Variants in CTNND2 observed in about 807,000 individuals in gnomAD.
The protein encoded by CTNND2 is catenin delta 2, also known as catenin delta-2.
Under a neutral mutation model 144.4 loss-of-function variants are expected in CTNND2, and 22 were observed. The ratio of observed to expected loss-of-function variants is 0.15; its 90% confidence interval spans 0.11 to 0.22. The LOEUF is 0.22. CTNND2 is among the 10% of genes least tolerant of loss of function. The probability of loss-of-function intolerance (pLI) is 1.00; values close to 1 mark genes in which losing one functional copy is unlikely to be tolerated. For missense variants in CTNND2, 1,353 were observed against 1,618.8 expected (o/e 0.84, Z 2.82); for synonymous variants, 751 against 695.6 (o/e 1.08, Z -1.25).
intron 3 of CTNND2, among the ~76,000 whole-genome samples, chr5:11,561,529 AT>A (rs929973043): frequency 4.3e-4 from 65 of 152,344 alleles, no homozygotes; most frequent in African/African-American, 1.6e-3. Context: ...CTGTGAAGAG[AT>A]TAAGAGAACA....
chr5:11,732,646 T>C (rs986113433), intron 1 of CTNND2, among the ~76,000 whole-genome samples: 2 of 152,154 alleles, frequency 1.3e-5, no homozygotes, highest in African/African-American at 4.8e-5. Context: ...TTTAGGTAAA[T>C]TTATTACCTG....
At chr5:11,480,663 T>C (rs1462372980) in intron 3 of CTNND2, among the ~76,000 whole-genome samples, 1 of 151,934 alleles carries the variant, frequency 6.6e-6, no homozygotes, top group Non-Finnish European at 1.5e-5. Flanking sequence ...TGTGTGTGTG[T>C]GTGTGTGTGT....
At chr5:11,722,863 T>C (rs914612146) in intron 2 of CTNND2, among the ~76,000 whole-genome samples, 1 of 152,110 alleles carries the variant, frequency 6.6e-6, no homozygotes, top group Non-Finnish European at 1.5e-5. Flanking sequence ...ATCAAACACA[T>C]ATGACATGCC....
chr5:11,386,091 T>A (rs1025072494), intron 6 of CTNND2: 1 of 152,040 alleles, frequency 6.6e-6, no homozygotes, highest in Non-Finnish European at 1.5e-5. Flanking sequence ...GGAGAGACAG[T>A]TGGAGGGGAA....
chr5:11,345,566 G>C (rs32124), intron 9 of CTNND2, among the ~76,000 whole-genome samples: 84,861 of 151,854 alleles, frequency 0.56, 23,901 homozygotes, highest in Admixed American at 0.64. Flanking sequence ...TTAAGTACAA[G>C]ACCAGAGTCA....
At chr5:11,376,699 TTTC>T (rs2149788703) in intron 7 of CTNND2, among the ~76,000 whole-genome samples, 1 of 152,224 alleles carries the variant, frequency 6.6e-6, no homozygotes, top group South Asian at 2.1e-4. Flanking sequence ...AGTCTAGAAG[TTTC>T]TTCAAGAGAA....
At chr5:11,287,787 C>T (rs1747900522) in intron 9 of CTNND2, among the ~76,000 whole-genome samples, 2 of 152,148 alleles carry the variant, frequency 1.3e-5, no homozygotes, top group African/African-American at 2.4e-5. Flanking sequence ...CCTTTTCTAG[C>T]ATAAGAAGAT....
chr5:11,220,491 C>A (rs1739677167), intron 10 of CTNND2, among the ~76,000 whole-genome samples: 2 of 152,170 alleles, frequency 1.3e-5, no homozygotes, highest in Non-Finnish European at 2.9e-5. Flanking sequence ...GCCCTCCTAA[C>A]AATGGCACTG....
At chr5:11,737,033 TA>T (rs1393167273) in intron 1 of CTNND2, among the ~76,000 whole-genome samples, 2 of 152,182 alleles carry the variant, frequency 1.3e-5, no homozygotes, top group Admixed American at 1.3e-4. Context: ...ACCTGTCTTT[TA>T]TATGTGATTT....
intron 15 of CTNND2, among the ~76,000 whole-genome samples, chr5:11,092,986 G>A (rs1245312443): frequency 6.6e-6 from 1 of 152,134 alleles, no homozygotes; most frequent in South Asian, 2.1e-4. Flanking sequence ...CAGTTCTCTT[G>A]CATTTTTTAT....
At chr5:11,218,989 G>C (rs545231434) in intron 10 of CTNND2, among the ~76,000 whole-genome samples, 1 of 152,280 alleles carries the variant, frequency 6.6e-6, no homozygotes, top group Non-Finnish European at 1.5e-5. Flanking sequence ...GGTGTGGCTG[G>C]ATATGAGATG....
chr5:11,873,204 A>C (rs1171397841), intron 1 of CTNND2, among the ~76,000 whole-genome samples: 1 of 152,134 alleles, frequency 6.6e-6, no homozygotes, highest in African/African-American at 2.4e-5. Context: ...ATATAGTAAC[A>C]AAAAAAGCAA....
At chr5:11,496,893 G>C (rs1770004836) in intron 3 of CTNND2, among the ~76,000 whole-genome samples, 1 of 150,846 alleles carries the variant, frequency 6.6e-6, no homozygotes, top group Admixed American at 6.6e-5. Flanking sequence ...GAGTGGGACT[G>C]GGCCCCACAC....
chr5:10,979,416 T>C (rs1002625429), intron 21 of CTNND2, among the ~76,000 whole-genome samples: 1 of 152,180 alleles, frequency 6.6e-6, no homozygotes, highest in Non-Finnish European at 1.5e-5. Flanking sequence ...GCTGATTAGA[T>C]GTTAGCAACA....
chr5:11,366,586 A>C (rs1010845077), intron 7 of CTNND2, among the ~76,000 whole-genome samples: 7 of 152,286 alleles, frequency 4.6e-5, no homozygotes, highest in African/African-American at 1.7e-4. Flanking sequence ...ATTTTCCAGG[A>C]ATATATTTAA....
At chr5:11,456,545 T>C (rs1765753765) in intron 3 of CTNND2, among the ~76,000 whole-genome samples, 1 of 152,156 alleles carries the variant, frequency 6.6e-6, no homozygotes, top group Non-Finnish European at 1.5e-5. Flanking sequence ...CATCTATATT[T>C]CAACCCCAAT....
rs1756589180 is a variant in CTNND2 at position 11,362,725 on chromosome 5, T to C, written c.1372+1971A>G. ...AGCCCCCAGCAAATGGGTTTCACCT[T>C]TGAAGCAGTTAGAAGGTTACTATTG... On this transcript the variant is annotated intron_variant, in intron 8 of 21. Coordinates refer to ENST00000304623, the MANE Select transcript of CTNND2 (RefSeq NM_001332.4). 2.5e-5 allele frequency among the ~76,000 whole-genome samples: 3 copies of C among 119,228 alleles called. 1 individual carries two copies. Among genetic ancestry groups the C allele is most frequent in the South Asian group, 5.5e-4 (2 of 3,640 alleles). 78.2% of individuals were successfully genotyped at this position (119,228 alleles called of 152,430 possible).
In CTNND2 at chr5:11,013,099, G is replaced by A. The variant is rs561791765; in HGVS notation, c.3084+4875C>T. Among the ~76,000 whole-genome samples, 8 of 152,192 alleles carry A rather than the reference G, an allele frequency of 5.3e-5. No homozygotes were observed. The South Asian group carries it at 1.0e-3, about 20-fold the overall frequency. On this transcript the variant is annotated intron_variant, in intron 18 of 21. Transcript: ENST00000304623. Reference sequence around the variant, plus strand: ...TAAGCAGGTCATAAAACCCTCATTCGAGAGGTGCCTCCTTATACTGGAGCA... The same window carrying A: ...TAAGCAGGTCATAAAACCCTCATTCAAGAGGTGCCTCCTTATACTGGAGCA...
chr5:11,622,262 CCTAAG>C (rs1780886023), intron 2 of CTNND2, among the ~76,000 whole-genome samples: 3 of 152,070 alleles, frequency 2.0e-5, no homozygotes, highest in South Asian at 4.1e-4. Flanking sequence ...GATTCTGTTT[CCTAAG>C]CTAAGATTTA....
Sources: allele counts gnomAD v4.1 joint callset (sites outside exome capture counted in the v4.1 genomes callset), GRCh38; gene constraint gnomAD v4.1.1; transcripts MANE v1.5; gene names NCBI Gene and HGNC (gene_info 2026-07-23, HGNC 2026-07-21).